Variants in PCDH19 observed in about 807,000 individuals in gnomAD.
PCDH19 encodes protocadherin-19.
PCDH19 carries 6 observed loss-of-function variants against 46.2 expected under a neutral mutation model. The ratio of observed to expected loss-of-function variants is 0.13; its 90% CI spans 0.07 to 0.26. The LOEUF (loss-of-function observed/expected upper bound fraction) is 0.26. Ranked by LOEUF, PCDH19 falls within the 10% of genes least tolerant of loss-of-function variation. The pLI is 1.00. For synonymous variants in PCDH19, 481 were observed against 415.7 expected, an observed-to-expected ratio of 1.16 and a Z score of -1.91; for missense variants, 740 against 972.3, an observed-to-expected ratio of 0.76 and a Z score of 3.18.
chrX:100,322,729 C>T (rs1162869517), intron 5 of PCDH19, among the ~76,000 whole-genome samples: 3 of 104,639 alleles, frequency 2.9e-5, no homozygotes, highest in Non-Finnish European at 5.8e-5. Flanking sequence ...CATTCATGAG[C>T]ATGGGATGTA....
At chrX:100,387,900 T>A (rs1927757505) in intron 3 of PCDH19, among the ~76,000 whole-genome samples, 1 of 111,695 alleles carries the variant, frequency 9.0e-6, no homozygotes, top group Non-Finnish European at 1.9e-5. Context: ...ATGATCTAAT[T>A]GGAAAATGAA....
At chrX:100,329,844 G>A (rs1028675797) in intron 5 of PCDH19, among the ~76,000 whole-genome samples, 14 of 111,743 alleles carry the variant, frequency 1.3e-4, no homozygotes, top group Admixed American at 1.2e-3. Context: ...CCCAGGAGGC[G>A]GAGGTTGCAG....
In PCDH19 at chrX:100,292,036, A is replaced by C. The variant is rs2147440942; in HGVS notation, c.*4241T>G. 8.8e-6 allele frequency: 1 copy of C among 113,274 alleles called. No individual in the cohort carries two copies. The highest frequency in any genetic ancestry group is 9.3e-5 in the Admixed American group (1 of 10,751). 9.3% of individuals were successfully genotyped at this position (113,274 alleles called of 1,213,427 possible). ...TAGTGTCATCAGGCTCATTCCCCTC[A>C]CTAGAGGAGCGAAGGCGTAAGCCTA... On this transcript the variant is annotated 3_prime_UTR_variant, in exon 6 of 6. Coordinates refer to ENST00000373034, the MANE Select transcript of PCDH19 (RefSeq NM_001184880.2).
At chrX:100,307,731 G>C (rs948743696) in intron 5 of PCDH19, among the ~76,000 whole-genome samples, 2 of 111,105 alleles carry the variant, frequency 1.8e-5, no homozygotes, top group African/African-American at 6.5e-5. Context: ...ACACAAATCA[G>C]TAGCACAGCT....
intron 4 of PCDH19, among the ~76,000 whole-genome samples, chrX:100,344,998 A>G (rs1297890102): frequency 9.1e-6 from 1 of 110,038 alleles, no homozygotes; most frequent in Non-Finnish European, 1.9e-5. Context: ...TGGAGTCATT[A>G]GGACAAGTAA....
At chrX:100,307,828 T>G (rs1367197581) in intron 5 of PCDH19, among the ~76,000 whole-genome samples, 1 of 110,321 alleles carries the variant, frequency 9.1e-6, no homozygotes, top group Non-Finnish European at 1.9e-5. Context: ...AGGAATATAC[T>G]TAAGCAAAGA....
At chrX:100,329,907 G>A (rs891386051) in intron 5 of PCDH19, among the ~76,000 whole-genome samples, 1 of 111,702 alleles carries the variant, frequency 9.0e-6, no homozygotes, top group Non-Finnish European at 1.9e-5. Flanking sequence ...GGGAGACGCT[G>A]TTTAAAACAA....
chrX:100,410,074 A>G lies in PCDH19; in HGVS notation c.-1477T>C, dbSNP rs754251734. Reference sequence around the variant, plus strand: ...TAGGAGGTTTAGGATTTCGGATGAAATCGCTCAGCCGGAATGCTGCGGAGC... The same window carrying G: ...TAGGAGGTTTAGGATTTCGGATGAAGTCGCTCAGCCGGAATGCTGCGGAGC... On this transcript the variant is annotated 5_prime_UTR_variant, in exon 1 of 6. Coordinates refer to ENST00000373034, the MANE Select transcript of PCDH19 (RefSeq NM_001184880.2). 6.8e-6 allele frequency: 2 copies of G among 294,718 alleles called. No individual in the cohort carries two copies. The highest frequency in any genetic ancestry group is 1.2e-5 in the Non-Finnish European group (2 of 169,838). The allele number at this position is 294,718 out of a possible 1,213,427, so 24.3% of individuals were successfully genotyped here.
rs1325807867 is a variant in PCDH19, at chrX:100,406,480, G to T, written c.2118C>A (p.Asp706Glu). ...AGTTGTAGGTCCGGATCTCTTTGTT[G>T]TCTCGCTTGCACTTGATTGCCACGA... ...MIFVAIKCKR[D>E]NKEIRTYNCS... The change falls in exon 1 of 6, where the codon GAC becomes GAA. Residue 706 changes from aspartate to glutamate, a missense_variant. Around this residue, in one of 5 missense-constraint regions of PCDH19, gnomAD observed 416 missense variants for 476.8 expected, o/e 0.87. Coordinates refer to ENST00000373034, the MANE Select transcript of PCDH19 (RefSeq NM_001184880.2). 28 of 1,205,073 alleles carry T rather than the reference G, an allele frequency of 2.3e-5. No homozygotes were observed. Among genetic ancestry groups the T allele is most frequent in the Non-Finnish European group, 2.9e-5 (26 of 892,426 alleles).
chrX:100,385,507 C>A (rs1292542751), intron 3 of PCDH19, among the ~76,000 whole-genome samples: 1 of 112,088 alleles, frequency 8.9e-6, no homozygotes, highest in Non-Finnish European at 1.9e-5. Context: ...AAGTTCAATG[C>A]TAGCGATTGT....
At position 100,296,247 on chromosome X, in the gene PCDH19, G is replaced by A. The variant is rs1315043656; in HGVS notation, c.*30C>T. On this transcript the variant is annotated 3_prime_UTR_variant, in exon 6 of 6. Coordinates refer to ENST00000373034, the MANE Select transcript of PCDH19 (RefSeq NM_001184880.2). ...CTCCTGCTTCTTCACTAGCCAGTGTGGTTTCTTTCTCTTCTTCCTGGAGAC... is the reference window on the plus strand; with the variant it reads ...CTCCTGCTTCTTCACTAGCCAGTGTAGTTTCTTTCTCTTCTTCCTGGAGAC... 1.8e-6 allele frequency: 2 copies of A among 1,112,742 alleles called. No homozygotes were observed. Among genetic ancestry groups the A allele is most frequent in the Admixed American group, 2.2e-5 (1 of 46,008 alleles). 91.7% of individuals were successfully genotyped at this position (1,112,742 alleles called of 1,213,427 possible).
At chrX:100,330,865 T>A (rs1165473501) in intron 5 of PCDH19, among the ~76,000 whole-genome samples, 1 of 112,287 alleles carries the variant, frequency 8.9e-6, no homozygotes, top group East Asian at 2.8e-4. Context: ...TCAAATTTAA[T>A]AGCTTGCATT....
Position 100,400,742 on chromosome X carries a change from C to T in PCDH19, c.2616+1782G>A, listed in dbSNP as rs1014117651. ...ACTCATCAAAAGCACTGCTGTTTGG[C>T]CCCATTAATTCTGATGGGAATTATT... On this transcript the variant is annotated intron_variant, in intron 3 of 5. Transcript: ENST00000373034. Among the ~76,000 whole-genome samples, 5 of 112,254 alleles carry T rather than the reference C, an allele frequency of 4.5e-5. No individual in the cohort carries two copies. In the Admixed American group the frequency reaches 4.7e-4, roughly 11 times the overall value.
intron 3 of PCDH19, among the ~76,000 whole-genome samples, chrX:100,389,802 T>C (rs1158530074): frequency 8.9e-6 from 1 of 112,032 alleles, no homozygotes; most frequent in African/African-American, 3.2e-5. Flanking sequence ...TGTAGATATA[T>C]AGACATTCCT....
chrX:100,409,378 G>C lies in PCDH19; in HGVS notation c.-781C>G, dbSNP rs1928520312. ...GAGCGCGCTCCCTCGCGCTAAGGCT[G>C]GCTTCGAAGGGCTTGGGGGCGCGTC... On this transcript the variant is annotated 5_prime_UTR_variant, in exon 1 of 6. Transcript: ENST00000373034. 8.9e-6 allele frequency: 1 copy of C among 112,244 alleles called. No individual in the cohort carries two copies. The highest frequency in any genetic ancestry group is 3.2e-5 in the African/African-American group (1 of 30,840). The allele number at this position is 112,244 out of a possible 1,213,427, so 9.3% of individuals were successfully genotyped here. A position where few individuals can be genotyped will look rare whatever the true frequency, so the allele number is the denominator to read the frequency against.
chrX:100,366,609 G>T (rs1927077319), intron 3 of PCDH19, among the ~76,000 whole-genome samples: 1 of 112,219 alleles, frequency 8.9e-6, no homozygotes, highest in Non-Finnish European at 1.9e-5. Flanking sequence ...TTTTATAAAG[G>T]TTTGCTGGGC....
At position 100,402,619 on chromosome X, in the gene PCDH19, G is replaced by A. The variant is rs1928219474; in HGVS notation, c.2521C>T (p.Arg841Cys). The A allele has an allele frequency of 7.4e-6, 9 of 1,209,420 alleles. No homozygotes were observed. Among genetic ancestry groups the A allele is most frequent in the Admixed American group, 6.6e-5 (3 of 45,798 alleles). Residue 841 changes from arginine to cysteine, a missense_variant, in exon 3 of 6, where the codon CGC becomes TGC. By Grantham distance (180) the Arg-to-Cys change is radical. Around this residue, in one of 5 missense-constraint regions of PCDH19, gnomAD observed 416 missense variants for 476.8 expected, o/e 0.87. Coordinates refer to ENST00000373034, the MANE Select transcript of PCDH19 (RefSeq NM_001184880.2). Reference protein sequence around the residue: ...TFLNVENQNTRNTSANHIYHH... With the variant: ...TFLNVENQNTCNTSANHIYHH... ...TAGATGTGGTTAGCACTGGTGTTGCGGGTATTCTGGTTCTCCACATTCAGG... is the reference window on the plus strand; with the variant it reads ...TAGATGTGGTTAGCACTGGTGTTGCAGGTATTCTGGTTCTCCACATTCAGG...
intron 3 of PCDH19, among the ~76,000 whole-genome samples, chrX:100,381,545 A>C (rs1012395000): frequency 8.9e-6 from 1 of 111,819 alleles, no homozygotes; most frequent in African/African-American, 3.3e-5. Context: ...AAGAGAAAGC[A>C]CATCCCATGG....
chrX:100,376,183 C>T (rs2147512535), intron 3 of PCDH19, among the ~76,000 whole-genome samples: 1 of 99,851 alleles, frequency 1.0e-5, no homozygotes, highest in East Asian at 3.1e-4. Flanking sequence ...TGCAGTGAGC[C>T]GAGATCACGC....
Sources: allele counts gnomAD v4.1 joint callset (sites outside exome capture counted in the v4.1 genomes callset), GRCh38; gene constraint gnomAD v4.1.1; regional missense constraint gnomAD v4.1.1; transcripts MANE v1.5; gene names NCBI Gene and HGNC (gene_info 2026-07-23, HGNC 2026-07-21).